Variants in CTNNA3 observed in about 807,000 individuals in gnomAD.
CTNNA3 encodes the protein catenin alpha-3.
Under a neutral mutation model 95.7 loss-of-function variants are expected in CTNNA3, and 76 were observed. The observed-to-expected ratio is 0.79, with a 90% CI of 0.66 to 0.96. CTNNA3 has a LOEUF of 0.96. CTNNA3 is among the 40% of genes least tolerant of loss of function. CTNNA3 has a pLI of 0.00. For synonymous variants in CTNNA3, 431 were observed against 374.4 expected (o/e 1.15, Z -1.74); for missense variants, 1,191 against 1,089.8 (o/e 1.09, Z -1.31).
intron 11 of CTNNA3, among the ~76,000 whole-genome samples, chr10:66,467,140 T>C (rs925104408): frequency 7.2e-5 from 11 of 152,134 alleles, no homozygotes; most frequent in Non-Finnish European, 1.3e-4. Context: ...CAACTCTATG[T>C]TCCTTTAACT....
rs557598131 is a variant in CTNNA3, at chr10:66,332,192, C to G, written c.1732+46960G>C. On this transcript the variant is annotated intron_variant, in intron 12 of 17. Coordinates refer to ENST00000433211, the MANE Select transcript of CTNNA3 (RefSeq NM_013266.4). ...GATATACAATCATGTCATCTGCAAACAGGGACAATTTGACTTCCTCTTTTC... is the reference window on the plus strand; with the variant it reads ...GATATACAATCATGTCATCTGCAAAGAGGGACAATTTGACTTCCTCTTTTC... Among the ~76,000 whole-genome samples the G allele has an allele frequency of 2.8e-4, 43 of 152,058 alleles. No individual in the cohort carries two copies. The East Asian group carries it at 8.3e-3, about 30-fold the overall frequency.
chr10:66,843,658 G>A (rs1843148491), intron 7 of CTNNA3, among the ~76,000 whole-genome samples: 1 of 152,106 alleles, frequency 6.6e-6, no homozygotes, highest in Non-Finnish European at 1.5e-5. Context: ...AACCAAAGGA[G>A]AAGAGAATTT....
At chr10:67,047,238 G>A (rs1262618980) in intron 7 of CTNNA3, among the ~76,000 whole-genome samples, 8 of 152,112 alleles carry the variant, frequency 5.3e-5, no homozygotes. Flanking sequence ...GGAGTCTCTA[G>A]ATGTGTAAAA....
At chr10:66,694,080 A>C (rs1847664274) in intron 9 of CTNNA3, among the ~76,000 whole-genome samples, 1 of 152,104 alleles carries the variant, frequency 6.6e-6, no homozygotes, top group South Asian at 2.1e-4. Flanking sequence ...ACACATTCAA[A>C]AGCTAGCAGA....
At chr10:67,066,770 G>A (rs1036810894) in intron 7 of CTNNA3, among the ~76,000 whole-genome samples, 9 of 152,026 alleles carry the variant, frequency 5.9e-5, no homozygotes, top group East Asian at 3.9e-4. Flanking sequence ...TAAAATATTC[G>A]ATATTATATT....
chr10:66,103,290 A>C, intron 13 of CTNNA3, 41 bp from the exon 14 acceptor site: 1 of 1,505,504 alleles, frequency 6.6e-7, no homozygotes, highest in Non-Finnish European at 9.3e-7. Flanking sequence ...GGAATGTAAA[A>C]GCATTTCTTC....
At chr10:66,654,036 A>G (rs918826861) in intron 9 of CTNNA3, among the ~76,000 whole-genome samples, 3 of 152,102 alleles carry the variant, frequency 2.0e-5, no homozygotes, top group African/African-American at 7.2e-5. Context: ...TCTCCATGAC[A>G]TAAGTCTGGG....
intron 10 of CTNNA3, among the ~76,000 whole-genome samples, chr10:66,616,557 A>G (rs1382675128): frequency 1.3e-5 from 2 of 152,030 alleles, no homozygotes; most frequent in African/African-American, 4.8e-5. Context: ...ACTATTTCAA[A>G]TATCTCTGCT....
At chr10:67,327,032 T>A (rs1194387554) in intron 5 of CTNNA3, among the ~76,000 whole-genome samples, 2 of 152,196 alleles carry the variant, frequency 1.3e-5, no homozygotes, top group African/African-American at 4.8e-5. Context: ...ATACTTGTGA[T>A]TGCACTATGA....
At chr10:67,356,613 A>C (rs1333698288) in intron 5 of CTNNA3, among the ~76,000 whole-genome samples, 4 of 151,764 alleles carry the variant, frequency 2.6e-5, no homozygotes, top group Non-Finnish European at 4.4e-5. Flanking sequence ...CATGACCTCA[A>C]CTCCAAGTAT....
intron 15 of CTNNA3, among the ~76,000 whole-genome samples, chr10:66,010,480 T>C (rs561769337): frequency 5.9e-5 from 9 of 152,226 alleles, no homozygotes; most frequent in Admixed American, 1.3e-4. Context: ...CAAATAATGA[T>C]AATAATAAAA....
At chr10:67,645,316 T>C (rs1839672249) in intron 2 of CTNNA3, among the ~76,000 whole-genome samples, 1 of 152,134 alleles carries the variant, frequency 6.6e-6, no homozygotes, top group South Asian at 2.1e-4. Context: ...TAGTTTCAGT[T>C]AGAATATAAA....
chr10:66,639,276 GA>G (rs998287715), intron 9 of CTNNA3, among the ~76,000 whole-genome samples: 12 of 151,984 alleles, frequency 7.9e-5, no homozygotes, highest in African/African-American at 2.7e-4. Context: ...AGATAGTTTT[GA>G]AAAAAACATT....
At chr10:66,218,495 C>A (rs2088700849) in intron 13 of CTNNA3, among the ~76,000 whole-genome samples, 1 of 152,116 alleles carries the variant, frequency 6.6e-6, no homozygotes, top group African/African-American at 2.4e-5. Context: ...AGAACTGAAG[C>A]CTTCTGCAAA....
At chr10:67,253,571 C>T (rs1866198259) in intron 5 of CTNNA3, among the ~76,000 whole-genome samples, 1 of 152,044 alleles carries the variant, frequency 6.6e-6, no homozygotes, top group Non-Finnish European at 1.5e-5. Context: ...TTTCCCTCTC[C>T]TACACTTAAG....
intron 5 of CTNNA3, among the ~76,000 whole-genome samples, chr10:67,400,193 C>T (rs1280071980): frequency 1.3e-5 from 2 of 151,516 alleles, no homozygotes; most frequent in Middle Eastern, 3.2e-3. Context: ...TATACCAAAA[C>T]CTTCAAGATG....
intron 11 of CTNNA3, among the ~76,000 whole-genome samples, chr10:66,508,569 T>C (rs936719996): frequency 1.3e-5 from 2 of 152,112 alleles, no homozygotes; most frequent in African/African-American, 2.4e-5. Context: ...CTTTGTTATA[T>C]ATAATTTTAT....
intron 7 of CTNNA3, among the ~76,000 whole-genome samples, chr10:66,852,216 A>G (rs1250632515): frequency 6.6e-6 from 1 of 152,170 alleles, no homozygotes; most frequent in Non-Finnish European, 1.5e-5. Flanking sequence ...ACCTTCTACT[A>G]TTTCTTGATA....
chr10:66,145,064 T>C (rs1319712320), intron 13 of CTNNA3, among the ~76,000 whole-genome samples: 1 of 152,162 alleles, frequency 6.6e-6, no homozygotes, highest in African/African-American at 2.4e-5. Context: ...CTTTCTTTAA[T>C]AATATTTCCT....
Sources: gnomAD v4.1 joint callset for allele counts (sites outside exome capture counted in the v4.1 genomes callset) on GRCh38, gnomAD v4.1.1 for gene constraint, MANE v1.5 for transcripts, NCBI Gene and HGNC (gene_info 2026-07-23, HGNC 2026-07-21) for gene names.